Variants in OSBPL10 observed in about 807,000 individuals in gnomAD.
OSBPL10 encodes the protein oxysterol-binding protein-related protein 10.
A neutral mutation model predicts 81.7 loss-of-function variants in OSBPL10; 49 were observed. The ratio of observed to expected loss-of-function variants is 0.60; its 90% CI spans 0.48 to 0.76. The LOEUF (loss-of-function observed/expected upper bound fraction) is 0.76, where lower values mean the gene tolerates loss of function less well. Ranked by LOEUF, OSBPL10 falls within the 30% of genes least tolerant of loss-of-function variation. The probability of loss-of-function intolerance (pLI) is 0.00; values close to 1 mark genes in which losing one functional copy is unlikely to be tolerated. For synonymous variants in OSBPL10, 419 were observed against 383.6 expected (o/e 1.09, Z -1.08); for missense variants, 923 against 987.8 (o/e 0.93, Z 0.88).
chr3:31,774,831 T>C (rs1698504991), intron 4 of OSBPL10, among the ~76,000 whole-genome samples: 1 of 150,942 alleles, frequency 6.6e-6, no homozygotes, highest in Non-Finnish European at 1.5e-5. Context: ...TTTTGATTGC[T>C]TTTGTTCTCA....
chr3:31,923,027 A>C (rs1041396852), intron 1 of OSBPL10, among the ~76,000 whole-genome samples: 3 of 152,188 alleles, frequency 2.0e-5, no homozygotes, highest in Admixed American at 1.3e-4. Flanking sequence ...TAAAAGATGA[A>C]AGAAAACGCT....
chr3:31,667,689 G>A (rs1415845031), intron 10 of OSBPL10, among the ~76,000 whole-genome samples: 1 of 152,228 alleles, frequency 6.6e-6, no homozygotes, highest in African/African-American at 2.4e-5. Context: ...AGGCTTTGCA[G>A]GCCATATGGT....
At chr3:31,898,149 C>G (rs1289502508) in intron 1 of OSBPL10, among the ~76,000 whole-genome samples, 1 of 150,136 alleles carries the variant, frequency 6.7e-6, no homozygotes, top group East Asian at 2.0e-4. Flanking sequence ...AATATAGATA[C>G]ATTGGTCAAC....
At chr3:31,793,575 T>G (rs141533373) in intron 4 of OSBPL10, among the ~76,000 whole-genome samples, 2 of 152,314 alleles carry the variant, frequency 1.3e-5, no homozygotes, top group African/African-American at 4.8e-5. Flanking sequence ...ACATTCACCT[T>G]CTTGAAACAA....
Position 31,731,151 on chromosome 3 carries a change from A to G in OSBPL10, c.1095+2106T>C, listed in dbSNP as rs1268564678. Among the ~76,000 whole-genome samples, 6 of 152,190 alleles carry G rather than the reference A, an allele frequency of 3.9e-5. No homozygotes were observed. In the East Asian group the frequency reaches 1.2e-3, roughly 29 times the overall value. On this transcript the variant is annotated intron_variant, in intron 6 of 11. Transcript: ENST00000396556. Reference sequence around the variant, plus strand: ...ATGTGGCAAAGCACAATGGCCTAAGAAGAAAAATAGTGTCCAAGCTCTACT... The same window carrying G: ...ATGTGGCAAAGCACAATGGCCTAAGGAGAAAAATAGTGTCCAAGCTCTACT...
chr3:31,860,878 T>TC (rs1264336744), intron 3 of OSBPL10, among the ~76,000 whole-genome samples: 1 of 147,648 alleles, frequency 6.8e-6, no homozygotes, highest in Non-Finnish European at 1.5e-5. Flanking sequence ...TGGGTTTTTT[T>TC]TTTTGTATTT....
chr3:31,943,967 CAAAAAAAAAA>C lies in OSBPL10; in HGVS notation c.281+36922_281+36931del, dbSNP rs55770286. On this transcript the variant is annotated intron_variant, in intron 1 of 11. Coordinates refer to ENST00000396556, the MANE Select transcript of OSBPL10 (RefSeq NM_017784.5). ...TGGGCAACAGAGGAAGACTCCGTCT[CAAAAAAAAAA>C]AAAAAAAAAAAAAAAAAAGTTCTTT... is the stretch of plus-strand genomic sequence containing the variant. Among the ~76,000 whole-genome samples, 63 of 37,786 alleles carry C rather than the reference CAAAAAAAAAA, an allele frequency of 1.7e-3. 2 individuals are homozygous for C. The highest frequency in any genetic ancestry group is 7.3e-3 in the African/African-American group (56 of 7,622). The allele number at this position is 37,786 out of a possible 152,430, so 24.8% of individuals were successfully genotyped here. A position where few individuals can be genotyped will look rare whatever the true frequency, so the allele number is the denominator to read the frequency against.
At chr3:32,007,390 T>TA (rs1223612280) in intron 2 of OSBPL10, among the ~76,000 whole-genome samples, 2 of 152,200 alleles carry the variant, frequency 1.3e-5, no homozygotes, top group African/African-American at 4.8e-5. Context: ...GAAAACATAA[T>TA]AAATGTATTC....
At chr3:31,706,596 G>C (rs181165223) in intron 6 of OSBPL10, among the ~76,000 whole-genome samples, 19 of 152,234 alleles carry the variant, frequency 1.2e-4, no homozygotes, top group African/African-American at 4.1e-4. Context: ...AAGCCAGGAG[G>C]CAAAACTGTG....
intron 6 of OSBPL10, among the ~76,000 whole-genome samples, chr3:31,723,066 CTT>C (rs1416399563): frequency 6.6e-6 from 1 of 152,164 alleles, no homozygotes; most frequent in Non-Finnish European, 1.5e-5. Flanking sequence ...TTTCCTTCTC[CTT>C]CGCATGGCTG....
At chr3:31,707,456 T>C (rs1213257908) in intron 6 of OSBPL10, 1 of 152,176 alleles carries the variant, frequency 6.6e-6, no homozygotes, top group Non-Finnish European at 1.5e-5. Context: ...CATATTGCAG[T>C]TCAATCATTT....
intron 1 of OSBPL10, among the ~76,000 whole-genome samples, chr3:31,916,774 A>G (rs944528863): frequency 2.3e-4 from 35 of 152,194 alleles, no homozygotes; most frequent in African/African-American, 5.5e-4. Flanking sequence ...GCTGTTTCCA[A>G]TTAACAAAAT....
intron 1 of OSBPL10, among the ~76,000 whole-genome samples, chr3:31,945,624 T>C (rs1367334772): frequency 6.6e-6 from 1 of 152,194 alleles, no homozygotes; most frequent in East Asian, 1.9e-4. Flanking sequence ...CCATAGGCCA[T>C]AGCTGAGAAG....
intron 1 of OSBPL10, among the ~76,000 whole-genome samples, 163 bp downstream of exon 1, chr3:31,980,736 G>A (rs1302627213): frequency 1.3e-5 from 2 of 152,246 alleles, no homozygotes; most frequent in Non-Finnish European, 2.9e-5. Context: ...CCACCTGGAG[G>A]GGAGCAGGGA....
intron 1 of OSBPL10, among the ~76,000 whole-genome samples, chr3:32,049,061 C>T (rs1465828731): frequency 6.6e-6 from 1 of 152,298 alleles, no homozygotes; most frequent in Non-Finnish European, 1.5e-5. Context: ...CCCTCAGTTC[C>T]AGGAAATCCC....
chr3:32,010,863 C>T (rs1699249728), intron 2 of OSBPL10, among the ~76,000 whole-genome samples: 1 of 152,176 alleles, frequency 6.6e-6, no homozygotes, highest in South Asian at 2.1e-4. Context: ...CAGTCTGAGA[C>T]CAAACTGCAA....
intron 4 of OSBPL10, among the ~76,000 whole-genome samples, chr3:31,762,630 A>ATTTTTTGTTTTTTT (rs1698080873): frequency 1.6e-5 from 1 of 61,514 alleles, no homozygotes; most frequent in Non-Finnish European, 2.7e-5. Context: ...CATGCCCAGC[A>ATTTTTTGTTTTTTT]TTTTTTTTTT....
rs755390148 is a variant in OSBPL10 at position 31,812,778 on chromosome 3, GAA to G, written c.729+17260_729+17261del. Among the ~76,000 whole-genome samples, 95 of 38,632 alleles carry G rather than the reference GAA, an allele frequency of 2.5e-3. 10 individuals carry two copies. The highest frequency in any genetic ancestry group is 6.1e-3 in the South Asian group (4 of 656). The allele number at this position is 38,632 out of a possible 152,430, so 25.3% of individuals were successfully genotyped here. ...AGAAAGAAAGAAAGAAAGAAAGAAA[GAA>G]AGAAAGAAAGAAAGAAAGAAAGAAA... On this transcript the variant is annotated intron_variant, in intron 4 of 11. Coordinates refer to ENST00000396556, the MANE Select transcript of OSBPL10 (RefSeq NM_017784.5).
intron 4 of OSBPL10, among the ~76,000 whole-genome samples, chr3:31,788,089 T>C (rs77894125): frequency 0.023 from 3,529 of 152,242 alleles, 50 homozygotes; most frequent in Non-Finnish European, 0.032. Context: ...GATTAGGTTA[T>C]TGTTTTTTTT....
Sources: gnomAD v4.1 joint callset for allele counts (sites outside exome capture counted in the v4.1 genomes callset) on GRCh38, gnomAD v4.1.1 for gene constraint, MANE v1.5 for transcripts, NCBI Gene and HGNC (gene_info 2026-07-23, HGNC 2026-07-21) for gene names.